Variants in DAB1 observed in about 807,000 individuals in gnomAD.
DAB1 encodes disabled homolog 1.
A neutral mutation model predicts 64.6 loss-of-function variants in DAB1; 15 were observed. The ratio of observed to expected loss-of-function variants is 0.23; its 90% CI spans 0.16 to 0.36. DAB1 has a LOEUF of 0.36. DAB1 is among the 10% of genes least tolerant of loss of function. DAB1 has a pLI of 1.00. For missense variants in DAB1, 596 were observed against 706.7 expected, an observed-to-expected ratio of 0.84 and a Z score of 1.78; for synonymous variants, 235 against 251.9, an observed-to-expected ratio of 0.93 and a Z score of 0.64.
Position 57,968,011 on chromosome 1 carries a change from C to T in DAB1, n.388-83849G>A, listed in dbSNP as rs539639644. ...CATAGCGCCGAACATGTAATAAATA[C>T]ACAATATAAATGATATTTTATTCTT... is the stretch of plus-strand genomic sequence containing the variant. On this transcript the variant is annotated intron_variant and non_coding_transcript_variant, in intron 5 of 20. Transcript: ENST00000485760. Among the ~76,000 whole-genome samples, 203 of 152,248 alleles carry T rather than the reference C, an allele frequency of 1.3e-3. 1 individual carries two copies. Among genetic ancestry groups the T allele is most frequent in the African/African-American group, 4.6e-3 (193 of 41,560 alleles).
intron 4 of DAB1, among the ~76,000 whole-genome samples, chr1:58,331,673 T>C (rs1353126132): frequency 6.6e-6 from 1 of 152,198 alleles, no homozygotes. Flanking sequence ...AGATTAGGAT[T>C]TGCTGAAGGC....
intron 6 of DAB1, among the ~76,000 whole-genome samples, chr1:57,700,112 G>T (rs1283825268): frequency 2.6e-5 from 4 of 151,990 alleles, no homozygotes; most frequent in Non-Finnish European, 4.4e-5. Flanking sequence ...GGTGCAATTG[G>T]TCATCCTCAT....
chr1:57,487,201 T>G (rs1342825483), intron 7 of DAB1, among the ~76,000 whole-genome samples: 1 of 152,164 alleles, frequency 6.6e-6, no homozygotes, highest in Non-Finnish European at 1.5e-5. Context: ...GAGGTAGATA[T>G]AGTTCCTCTT....
At chr1:58,168,985 G>T (rs1386758841) in intron 4 of DAB1, among the ~76,000 whole-genome samples, 1 of 152,148 alleles carries the variant, frequency 6.6e-6, no homozygotes, top group African/African-American at 2.4e-5. Flanking sequence ...GAATGCATTG[G>T]TAAGGGCCAC....
chr1:58,407,431 G>T (rs2100569081), intron 3 of DAB1, among the ~76,000 whole-genome samples: 1 of 152,274 alleles, frequency 6.6e-6, no homozygotes, highest in South Asian at 2.1e-4. Context: ...ATATTTGCTG[G>T]ATAATGAAAC....
intron 6 of DAB1, among the ~76,000 whole-genome samples, chr1:57,665,161 A>C (rs1167483051): frequency 6.6e-6 from 1 of 152,104 alleles, no homozygotes; most frequent in Non-Finnish European, 1.5e-5. Flanking sequence ...AATTGACAAG[A>C]ATAATATTTT....
chr1:58,025,265 G>C (rs1051829179), intron 5 of DAB1, among the ~76,000 whole-genome samples: 4 of 151,964 alleles, frequency 2.6e-5, no homozygotes, highest in Admixed American at 1.3e-4. Flanking sequence ...GTGGTCATTA[G>C]AATCAGCTGG....
chr1:57,709,763 C>T (rs1371195156), intron 6 of DAB1, among the ~76,000 whole-genome samples: 2 of 152,070 alleles, frequency 1.3e-5, no homozygotes, highest in East Asian at 1.9e-4. Context: ...AATCTGGCCA[C>T]CCCACCCCCC....
chr1:58,132,713 C>A (rs751214794), intron 5 of DAB1, among the ~76,000 whole-genome samples: 3 of 152,178 alleles, frequency 2.0e-5, no homozygotes, highest in Non-Finnish European at 4.4e-5. Flanking sequence ...GAGAATCCCC[C>A]TTCTACATAT....
chr1:57,105,955 T>C (rs1229671120), intron 4 of DAB1, among the ~76,000 whole-genome samples: 1 of 152,146 alleles, frequency 6.6e-6, no homozygotes, highest in Non-Finnish European at 1.5e-5. Context: ...TGAGTCTGAA[T>C]CCAGGCTTGG....
intron 1 of DAB1, among the ~76,000 whole-genome samples, chr1:57,367,361 A>G (rs1434892979): frequency 6.6e-6 from 1 of 152,124 alleles, no homozygotes; most frequent in Non-Finnish European, 1.5e-5. Flanking sequence ...AATCAGAGCT[A>G]GGTGCCTTTT....
intron 2 of DAB1, among the ~76,000 whole-genome samples, chr1:57,290,218 A>T (rs761712053): frequency 6.6e-6 from 1 of 152,184 alleles, no homozygotes; most frequent in Non-Finnish European, 1.5e-5. Flanking sequence ...CCTAAACTCA[A>T]ACCTAGTGAA....
intron 9 of DAB1, among the ~76,000 whole-genome samples, chr1:57,054,147 AT>A (rs1337329423): frequency 6.6e-6 from 1 of 152,228 alleles, no homozygotes; most frequent in Non-Finnish European, 1.5e-5. Context: ...AGCCATAAGA[AT>A]ATTACATGGG....
chr1:57,753,014 A>G (rs571717768), intron 6 of DAB1, among the ~76,000 whole-genome samples: 1 of 152,302 alleles, frequency 6.6e-6, no homozygotes, highest in South Asian at 2.1e-4. Context: ...GAAGTTGCTG[A>G]CCTGTGTTCC....
chr1:57,783,173 G>A (rs1650190526), intron 6 of DAB1, among the ~76,000 whole-genome samples: 1 of 132,098 alleles, frequency 7.6e-6, no homozygotes, highest in Non-Finnish European at 1.6e-5. Context: ...GCAGTGGCAT[G>A]ATCTCTGCTC....
At chr1:58,091,207 G>A (rs1422572814) in intron 5 of DAB1, among the ~76,000 whole-genome samples, 1 of 152,138 alleles carries the variant, frequency 6.6e-6, no homozygotes, top group Non-Finnish European at 1.5e-5. Flanking sequence ...AAAGCACTCT[G>A]TTTCGTTAGT....
intron 5 of DAB1, among the ~76,000 whole-genome samples, chr1:57,890,620 T>C (rs1394953068): frequency 6.6e-6 from 1 of 151,966 alleles, no homozygotes; most frequent in Non-Finnish European, 1.5e-5. Context: ...TATGCCTGGG[T>C]AATTTTCAAA....
At chr1:57,106,718 A>C (rs1655193661) in intron 4 of DAB1, among the ~76,000 whole-genome samples, 1 of 152,234 alleles carries the variant, frequency 6.6e-6, no homozygotes, top group Non-Finnish European at 1.5e-5. Flanking sequence ...ACATTGATGA[A>C]GTAATAAAGG....
At chr1:58,314,962 A>T (rs1662517758) in intron 4 of DAB1, among the ~76,000 whole-genome samples, 1 of 152,220 alleles carries the variant, frequency 6.6e-6, no homozygotes, top group South Asian at 2.1e-4. Context: ...AATTTCCTCC[A>T]AACAATGAAC....
Sources: gnomAD v4.1 joint callset for allele counts (sites outside exome capture counted in the v4.1 genomes callset) on GRCh38, gnomAD v4.1.1 for gene constraint, MANE v1.5 for transcripts, NCBI Gene and HGNC (gene_info 2026-07-23, HGNC 2026-07-21) for gene names.